Variants in SHC2 observed in about 807,000 individuals in gnomAD.
SHC2 encodes SHC-transforming protein 2.
In SHC2, 62 loss-of-function variants were observed where a neutral mutation model predicts 60.6. The observed-to-expected ratio is 1.02, with a 90% CI of 0.83 to 1.26. The LOEUF is 1.26. Ranked by LOEUF, SHC2 falls within the 50% of genes most tolerant of loss-of-function variation. SHC2 has a pLI of 0.00. For synonymous variants in SHC2, 375 were observed against 372.4 expected, an observed-to-expected ratio of 1.01 and a Z score of -0.08; for missense variants, 873 against 822.2, an observed-to-expected ratio of 1.06 and a Z score of -0.76.
chr19:436,368 C>G lies in SHC2; in HGVS notation c.826+12G>C. 1 of 1,595,596 alleles carries G rather than the reference C, an allele frequency of 6.3e-7. No individual in the cohort carries two copies. The highest frequency in any genetic ancestry group is 8.6e-7 in the Non-Finnish European group (1 of 1,167,768). The stretch of plus-strand genomic sequence containing the variant: ...GCCACAGGACCCCCACCGGCCTCCC[C>G]GGGGGCCTCACCTCTCTGGTTGATG... On this transcript the variant is annotated intron_variant, in intron 6 of 12. Coordinates refer to ENST00000264554, the MANE Select transcript of SHC2 (RefSeq NM_012435.3).
chr19:456,720 T>C (rs1473169968), intron 1 of SHC2, among the ~76,000 whole-genome samples: 2 of 151,980 alleles, frequency 1.3e-5, no homozygotes, highest in Non-Finnish European at 2.9e-5. Context: ...CCTAGAACTC[T>C]GTCTGCAAAC....
chr19:431,066 C>A (rs1974574958), intron 8 of SHC2, among the ~76,000 whole-genome samples: 1 of 152,022 alleles, frequency 6.6e-6, no homozygotes. Flanking sequence ...CCAGTCAGGG[C>A]TCTACCCAAA....
chr19:446,069 A>AAAAG lies in SHC2; in HGVS notation c.469-5141_469-5138dup, dbSNP rs1006974593. On this transcript the variant is annotated intron_variant, in intron 1 of 12. Coordinates refer to ENST00000264554, the MANE Select transcript of SHC2 (RefSeq NM_012435.3). This position sits in a 1 kb window ranked among gnomAD's most constrained non-coding sequence, Gnocchi z 5.4. ...GAGTCTGTCTCAAAATAAAAAAAAA[A>AAAAG]AAAGACAAGCACAGAGGGAGATTTG... Among the ~76,000 whole-genome samples, 5 of 151,762 alleles carry AAAAG rather than the reference A, an allele frequency of 3.3e-5. No homozygotes were observed. Among genetic ancestry groups the AAAAG allele is most frequent in the Admixed American group, 2.6e-4 (4 of 15,246 alleles).
At chr19:449,528 C>G (rs1296507788) in intron 1 of SHC2, among the ~76,000 whole-genome samples, 1 of 152,146 alleles carries the variant, frequency 6.6e-6, no homozygotes, top group Non-Finnish European at 1.5e-5. Flanking sequence ...CATAGCTATG[C>G]TGGAGAAAAT....
Position 441,748 on chromosome 19 carries a change from G to A in SHC2, c.469-816C>T, listed in dbSNP as rs542617355. The stretch of plus-strand genomic sequence containing the variant: ...AATTAGACAGAAGGGGTGGTGGCAC[G>A]ATATTATGAATGTACGAAATGCTAC... On this transcript the variant is annotated intron_variant, in intron 1 of 12. Transcript: ENST00000264554. The surrounding 1 kb of genome is among the most constrained non-coding windows in gnomAD (Gnocchi z 4.9). Among the ~76,000 whole-genome samples the A allele has an allele frequency of 7.2e-5, 11 of 152,374 alleles. No individual in the cohort carries two copies. Among genetic ancestry groups the A allele is most frequent in the East Asian group, 5.8e-4 (3 of 5,190 alleles).
intron 5 of SHC2, 24 bp downstream of exon 5, chr19:436,606 G>T: frequency 1.3e-6 from 2 of 1,600,006 alleles, no homozygotes; most frequent in Non-Finnish European, 8.5e-7. Context: ...AGGGCTGCAG[G>T]TCCACCCCCA....
chr19:447,501 G>A (rs528269161), intron 1 of SHC2, among the ~76,000 whole-genome samples: 2 of 152,342 alleles, frequency 1.3e-5, no homozygotes, highest in East Asian at 1.9e-4. Context: ...CATGAGAGCC[G>A]GGCACAATGG....
chr19:436,399 C>T lies in SHC2; in HGVS notation c.807G>A (p.Lys269=), dbSNP rs982155873. Residue 269 remains lysine (K), a synonymous_variant, in exon 6 of 13, where the codon AAG becomes AAA. Coordinates refer to ENST00000264554, the MANE Select transcript of SHC2 (RefSeq NM_012435.3). ...CCTCACCTCTCTGGTTGATGGGGTC[C>T]TTGGCGACGTAGGCCACGTAATCCG... ...DMTDYVAYVA[K]DPINQRACHI... is the part of the protein sequence containing the mutation. The T allele has an allele frequency of 1.3e-6, 2 of 1,593,994 alleles. No individual in the cohort carries two copies. Among genetic ancestry groups the T allele is most frequent in the African/African-American group, 2.7e-5 (2 of 74,290 alleles).
Position 425,211 on chromosome 19 carries a change from C to A in SHC2, c.1195G>T (p.Val399Leu), listed in dbSNP as rs530845691. The change falls in exon 10 of 13, where the codon GTG (valine) becomes TTG (leucine). Residue 399 changes from valine to leucine, a missense_variant. Coordinates refer to ENST00000264554, the MANE Select transcript of SHC2 (RefSeq NM_012435.3). The surrounding 1 kb of genome is among the most constrained non-coding windows in gnomAD (Gnocchi z 4.1). ...GGGGGGCCCCGGGCGTCCGCCTGCA[C>A]GTAGCCGTCCCCCGGTGGAGCTGGG... Reference protein sequence around the residue: ...TGTAPPGDGYVQADARGPPDH... With the variant: ...TGTAPPGDGYLQADARGPPDH... 1.5e-6 allele frequency: 2 copies of A among 1,337,760 alleles called. No homozygotes were observed. Among genetic ancestry groups the A allele is most frequent in the South Asian group, 2.4e-5 (1 of 41,028 alleles). 82.9% of individuals were successfully genotyped at this position (1,337,760 alleles called of 1,614,324 possible).
In SHC2 at chr19:445,438, G is replaced by A. The variant is rs1975030601; in HGVS notation, c.469-4506C>T. 6.6e-6 allele frequency among the ~76,000 whole-genome samples: 1 copy of A among 152,208 alleles called. No homozygotes were observed. Among genetic ancestry groups the A allele is most frequent in the Admixed American group, 6.5e-5 (1 of 15,280 alleles). On this transcript the variant is annotated intron_variant, in intron 1 of 12. Coordinates refer to ENST00000264554, the MANE Select transcript of SHC2 (RefSeq NM_012435.3). The surrounding 1 kb of genome is among the most constrained non-coding windows in gnomAD (Gnocchi z 4.4). ...GCCCTCCCAGCCTCCAGAACCGTGAGAAATAAATTTCTAGGCCTGGCACAG... is the reference window on the plus strand; with the variant it reads ...GCCCTCCCAGCCTCCAGAACCGTGAAAAATAAATTTCTAGGCCTGGCACAG...
chr19:434,653 A>G, intron 8 of SHC2, 56 bp downstream of exon 8: 1 of 1,521,822 alleles, frequency 6.6e-7, no homozygotes, highest in Non-Finnish European at 8.8e-7. Context: ...AGGTAGGTCC[A>G]GGGAACCAGC....
chr19:439,261 TGCAGCTTGG>T (rs1974798928), intron 2 of SHC2: 1 of 577,372 alleles, frequency 1.7e-6, no homozygotes, highest in Admixed American at 3.1e-5. Flanking sequence ...ACAGGACAGG[TGCAGCTTGG>T]GCACCAGCCC....
At chr19:439,272 C>T (rs1974799243) in intron 2 of SHC2, 4 of 576,926 alleles carry the variant, frequency 6.9e-6, no homozygotes, top group South Asian at 6.3e-5. Context: ...GCAGCTTGGG[C>T]ACCAGCCCAC....
chr19:434,558 GAAATCA>G lies in SHC2; in HGVS notation c.1110+145_1110+150del. On this transcript the variant is annotated intron_variant, in intron 8 of 12. Coordinates refer to ENST00000264554, the MANE Select transcript of SHC2 (RefSeq NM_012435.3). ...TGAGATTGTGAGTCTGTGAGTAAGT[GAAATCA>G]TGAGTGAGTGAGTGAGTGAGTCTGA... 4 of 17,902 alleles carry G rather than the reference GAAATCA, an allele frequency of 2.2e-4. 2 individuals carry two copies. Among genetic ancestry groups the G allele is most frequent in the Non-Finnish European group, 8.6e-4 (4 of 4,634 alleles). 1.1% of individuals were successfully genotyped at this position (17,902 alleles called of 1,614,324 possible). A position where few individuals can be genotyped will look rare whatever the true frequency, so the allele number is the denominator to read the frequency against.
rs115665556 is a variant in SHC2 at position 437,784 on chromosome 19, G to A, written c.720+934C>T. Among the ~76,000 whole-genome samples, 1,171 of 151,900 alleles carry A rather than the reference G, an allele frequency of 7.7e-3. 10 individuals carry two copies. Among genetic ancestry groups the A allele is most frequent in the African/African-American group, 0.027 (1,121 of 41,400 alleles). ...TGCTGTCTCACCCCAAACTCCTCAC[G>A]ATGATCCATGCTAACTTCTCCGACA... On this transcript the variant is annotated intron_variant, in intron 4 of 12. Transcript: ENST00000264554.
intron 9 of SHC2, among the ~76,000 whole-genome samples, chr19:428,385 G>C (rs1381788587): frequency 1.3e-5 from 2 of 152,226 alleles, no homozygotes; most frequent in Non-Finnish European, 2.9e-5. Flanking sequence ...GTCTGTCATG[G>C]CAAAGGCCTG....
At chr19:454,099 C>T (rs1277268280) in intron 1 of SHC2, among the ~76,000 whole-genome samples, 1 of 152,182 alleles carries the variant, frequency 6.6e-6, no homozygotes, top group Non-Finnish European at 1.5e-5. Context: ...CAAGATTCAC[C>T]CAGACCGAGC....
intron 9 of SHC2, among the ~76,000 whole-genome samples, chr19:427,038 G>A (rs1974434086): frequency 6.6e-6 from 1 of 152,200 alleles, no homozygotes; most frequent in South Asian, 2.1e-4. Context: ...CGAGCCCCCG[G>A]TCCGGGGTGA....
intron 7 of SHC2, 41 bp downstream of exon 7, chr19:436,124 T>G (rs1974709975): frequency 6.2e-7 from 1 of 1,602,628 alleles, no homozygotes; most frequent in Non-Finnish European, 8.5e-7. Flanking sequence ...GGCAGGTCAC[T>G]GGGGGTGTCC....
Sources: gnomAD v4.1 joint callset for allele counts (sites outside exome capture counted in the v4.1 genomes callset) on GRCh38, gnomAD v4.1.1 for gene constraint, Gnocchi (gnomAD v3.1) non-coding constraint, MANE v1.5 for transcripts, NCBI Gene and HGNC (gene_info 2026-07-23, HGNC 2026-07-21) for gene names.